IL17RE: variants seen among roughly 807,000 people sequenced by gnomAD.
IL17RE encodes interleukin 17 receptor E.
Under a neutral mutation model 70.7 loss-of-function variants are expected in IL17RE, and 47 were observed. That is an observed-to-expected ratio of 0.67 (90% CI 0.53 to 0.85). The LOEUF (loss-of-function observed/expected upper bound fraction) is 0.85, where lower values mean the gene tolerates loss of function less well. Among genes scored for constraint, IL17RE ranks in the 40% least tolerant of loss-of-function variants. The pLI, the probability that IL17RE is intolerant of heterozygous loss-of-function variation, is 0.00. For missense variants in IL17RE, 850 were observed against 893.9 expected, an observed-to-expected ratio of 0.95 and a Z score of 0.63; for synonymous variants, 372 against 381.2, an observed-to-expected ratio of 0.98 and a Z score of 0.28.
intron 3 of IL17RE, 56 bp downstream of exon 3, chr3:9,904,207 A>T: frequency 6.3e-7 from 1 of 1,596,292 alleles, no homozygotes; most frequent in Non-Finnish European, 8.6e-7. Flanking sequence ...TTGAGGGACC[A>T]CCTAGGCTGA....
At chr3:9,913,627 G>C (rs796562993) in intron 12 of IL17RE, among the ~76,000 whole-genome samples, 27 of 152,284 alleles carry the variant, frequency 1.8e-4, no homozygotes, top group African/African-American at 6.0e-4. Context: ...CTGTGCAGGA[G>C]AGTAAAGTGA....
chr3:9,911,122 C>T lies in IL17RE; in HGVS notation c.979-5C>T. ...TCCCTGATGAACTCTCCTCTCCTCC[C>T]ACAGTGGTATGTTTTGGAGAAGGTG... is the stretch of plus-strand genomic sequence containing the variant. On this transcript the variant is annotated splice_region_variant and splice_polypyrimidine_tract_variant and intron_variant, in intron 9 of 15. Transcript: ENST00000383814. The T allele has an allele frequency of 6.2e-7, 1 of 1,614,192 alleles. No homozygotes were observed. The highest frequency in any genetic ancestry group is 8.5e-7 in the Non-Finnish European group (1 of 1,180,002).
intron 6 of IL17RE, 95 bp downstream of exon 6, chr3:9,907,195 G>A (rs1034122120): frequency 2.0e-6 from 3 of 1,505,952 alleles, no homozygotes; most frequent in East Asian, 2.3e-5. Context: ...GGCCCAGAGA[G>A]GGATGGTAAC....
rs2083023166 is a variant in IL17RE, at chr3:9,915,514, G to A, written c.1711G>A (p.Asp571Asn). 2.3e-6 allele frequency: 3 copies of A among 1,317,438 alleles called. No individual in the cohort carries two copies. Among genetic ancestry groups the A allele is most frequent in the East Asian group, 3.1e-5 (1 of 31,822 alleles). The allele number at this position is 1,317,438 out of a possible 1,614,324, so 81.6% of individuals were successfully genotyped here. The change falls in exon 16 of 16, where the codon GAC becomes AAC. Residue 571 changes from aspartate to asparagine, a missense_variant. Physicochemically the swap from Asp to Asn is conservative, Grantham distance 23. Transcript: ENST00000383814. The surrounding 1 kb of genome is among the most constrained non-coding windows in gnomAD (Gnocchi z 4.9). Reference sequence around the variant, plus strand: ...CGACCTTCGCCCGGTCAGCGGCCCCGACCCCCGCGCCGCGCCCCTGCTCGC... The same window carrying A: ...CGACCTTCGCCCGGTCAGCGGCCCCAACCCCCGCGCCGCGCCCCTGCTCGC... ...GADLRPVSGP[D>N]PRAAPLLALL...
intron 6 of IL17RE, 90 bp from the exon 7 acceptor site, chr3:9,908,149 G>T: frequency 1.9e-6 from 2 of 1,063,360 alleles, no homozygotes; most frequent in Non-Finnish European, 2.9e-6. Context: ...AGGGTGTGTT[G>T]GCCAAGATCC....
chr3:9,915,686 C>T lies in IL17RE; in HGVS notation c.1883C>T (p.Ala628Val), dbSNP rs1351676196. The change falls in exon 16 of 16, where the codon GCG becomes GTG. Residue 628 changes from alanine to valine, a missense_variant. By Grantham distance (64) the Ala-to-Val change is moderately conservative. Coordinates refer to ENST00000383814, the MANE Select transcript of IL17RE (RefSeq NM_153480.2). This position sits in a 1 kb window ranked among gnomAD's most constrained non-coding sequence, Gnocchi z 4.9. ...DLPRLLRALD[A>V]RPFAEATSWG... ...CCGCGTCTGCTGCGGGCGCTGGACG[C>T]GCGGCCTTTCGCAGAGGCCACCAGC... 2 of 1,384,576 alleles carry T rather than the reference C, an allele frequency of 1.4e-6. No individual in the cohort carries two copies. The highest frequency in any genetic ancestry group is 9.3e-7 in the Non-Finnish European group (1 of 1,078,798). The allele number at this position is 1,384,576 out of a possible 1,614,324, so 85.8% of individuals were successfully genotyped here.
At position 9,910,983 on chromosome 3, in the gene IL17RE, C is replaced by T. The variant is rs779959781; in HGVS notation, c.921C>T (p.His307=). Residue 307 remains histidine, a synonymous_variant, in exon 9 of 16, where the codon CAC becomes CAT. Coordinates refer to ENST00000383814, the MANE Select transcript of IL17RE (RefSeq NM_153480.2). The part of the protein sequence containing the change: ...LKLEAALCQR[H]DWHTLCKDLP... ...TGGAAGCTGCCCTCTGCCAGAGGCA[C>T]GACTGGCATACCCTTTGCAAAGACC... 216 of 1,614,070 alleles carry T rather than the reference C, an allele frequency of 1.3e-4. No homozygotes were observed. Among genetic ancestry groups the T allele is most frequent in the Non-Finnish European group, 1.6e-4 (192 of 1,180,040 alleles).
chr3:9,908,407 A>C (rs1575486063), intron 7 of IL17RE, 100 bp downstream of exon 7: 2 of 997,624 alleles, frequency 2.0e-6, no homozygotes, highest in East Asian at 4.9e-5. Flanking sequence ...GGGTTTAAAA[A>C]GACTGAGTGT....
intron 8 of IL17RE, chr3:9,910,274 G>A: frequency 6.5e-6 from 1 of 153,794 alleles, no homozygotes; most frequent in Non-Finnish European, 1.4e-5. Context: ...GATCAAGACA[G>A]GAGAATCACT....
At chr3:9,911,749 C>T (rs913436568) in intron 12 of IL17RE, 152 bp downstream of exon 12, 6 of 700,084 alleles carry the variant, frequency 8.6e-6, no homozygotes, top group Non-Finnish European at 1.4e-5. Flanking sequence ...AGCCTCTGTT[C>T]AGCTAACTTG....
rs573956009 is a variant in IL17RE, at chr3:9,916,284, G to C, written c.*477G>C. 7.1e-6 allele frequency: 1 copy of C among 140,676 alleles called. No homozygotes were observed. The highest frequency in any genetic ancestry group is 1.5e-5 in the Non-Finnish European group (1 of 65,216). 8.7% of individuals were successfully genotyped at this position (140,676 alleles called of 1,614,324 possible). A position where few individuals can be genotyped will look rare whatever the true frequency, so the allele number is the denominator to read the frequency against. ...AGAGAGGACTCTGGACCTAGGAAAA[G>C]AGGCTTTTGGCTCCAGGTGGTCAGG... On this transcript the variant is annotated 3_prime_UTR_variant, in exon 16 of 16. Transcript: ENST00000383814.
At chr3:9,914,876 A>G in intron 15 of IL17RE, 99 bp downstream of exon 15, 3 of 1,008,222 alleles carry the variant, frequency 3.0e-6, no homozygotes, top group Non-Finnish European at 4.5e-6. Context: ...CACTGCACCC[A>G]ATCTCTGTTA....
In IL17RE at chr3:9,912,155, C is replaced by T. The variant is rs2082909673; in HGVS notation, c.1227+558C>T. Among the ~76,000 whole-genome samples, 3 of 152,170 alleles carry T rather than the reference C, an allele frequency of 2.0e-5. 1 individual carries two copies. Among genetic ancestry groups the T allele is most frequent in the Admixed American group, 1.3e-4 (2 of 15,280 alleles). On this transcript the variant is annotated intron_variant, in intron 12 of 15. Transcript: ENST00000383814. ...AGCGCAAACCCTATTGTGAACGGTGCATGCGAGGGATCTTGGTTGTGAGCT... is the reference window on the plus strand; with the variant it reads ...AGCGCAAACCCTATTGTGAACGGTGTATGCGAGGGATCTTGGTTGTGAGCT...
chr3:9,909,294 T>C lies in IL17RE; in HGVS notation c.802+11T>C. The C allele has an allele frequency of 1.2e-6, 2 of 1,611,410 alleles. No homozygotes were observed. On this transcript the variant is annotated intron_variant, in intron 8 of 15. Transcript: ENST00000383814. Reference sequence around the variant, plus strand: ...GCTGGCCAGAAGCCTGTGAGTGCTGTTGACACGCACCCTTGTGCACACACA... The same window carrying C: ...GCTGGCCAGAAGCCTGTGAGTGCTGCTGACACGCACCCTTGTGCACACACA...
In IL17RE at chr3:9,911,004, A is replaced by G; in HGVS notation, c.942A>G (p.Lys314=). 1 of 1,614,166 alleles carries G rather than the reference A, an allele frequency of 6.2e-7. No individual in the cohort carries two copies. The highest frequency in any genetic ancestry group is 8.5e-7 in the Non-Finnish European group (1 of 1,180,030). ...CQRHDWHTLC[K]DLPNATARES... Reference sequence around the variant, plus strand: ...GGCACGACTGGCATACCCTTTGCAAAGACCTCCCGAATGCCACAGCTCGAG... The same window carrying G: ...GGCACGACTGGCATACCCTTTGCAAGGACCTCCCGAATGCCACAGCTCGAG... Residue 314 remains lysine, a synonymous_variant, in exon 9 of 16, where the codon AAA becomes AAG. Transcript: ENST00000383814.
chr3:9,902,549 AG>A (rs1463326468), upstream of IL17RE: 2 of 1,359,758 alleles, frequency 1.5e-6, no homozygotes, highest in Non-Finnish European at 2.0e-6. Flanking sequence ...GGGAGACACA[AG>A]TTCCAGAGTG....
chr3:9,908,754 C>T (rs915264384), intron 7 of IL17RE, among the ~76,000 whole-genome samples: 1 of 152,188 alleles, frequency 6.6e-6, no homozygotes, highest in South Asian at 2.1e-4. Flanking sequence ...TTTCTTTGGA[C>T]TAGACAGAAA....
chr3:9,903,103 C>T, intron 1 of IL17RE, 39 bp downstream of exon 1: 1 of 1,562,086 alleles, frequency 6.4e-7, no homozygotes, highest in South Asian at 1.1e-5. Context: ...CTGCCTGGCA[C>T]AGCCATAAAG....
In IL17RE at chr3:9,915,675, G is replaced by C; in HGVS notation, c.1872G>C (p.Arg624=). ...RLLRDLPRLL[R]ALDARPFAEA... is the part of the protein sequence containing the mutation. ...TGCGCGACCTGCCGCGTCTGCTGCG[G>C]GCGCTGGACGCGCGGCCTTTCGCAG... The change falls in exon 16 of 16, where the codon CGG becomes CGC. Residue 624 remains arginine (R), a synonymous_variant. Transcript: ENST00000383814. The surrounding 1 kb of genome is among the most constrained non-coding windows in gnomAD (Gnocchi z 4.9). 1 of 1,389,574 alleles carries C rather than the reference G, an allele frequency of 7.2e-7. No homozygotes were observed. Among genetic ancestry groups the C allele is most frequent in the South Asian group, 1.6e-5 (1 of 62,044 alleles). 86.1% of individuals were successfully genotyped at this position (1,389,574 alleles called of 1,614,324 possible). A position where few individuals can be genotyped will look rare whatever the true frequency, so the allele number is the denominator to read the frequency against.
Sources: gnomAD v4.1 joint callset for allele counts (sites outside exome capture counted in the v4.1 genomes callset) on GRCh38, gnomAD v4.1.1 for gene constraint, Gnocchi (gnomAD v3.1) non-coding constraint, MANE v1.5 for transcripts, NCBI Gene and HGNC (gene_info 2026-07-23, HGNC 2026-07-21) for gene names.